TFDP2: variants seen among roughly 807,000 people sequenced by gnomAD.
TFDP2 encodes the protein transcription factor Dp-2.
TFDP2 carries 17 observed loss-of-function variants against 59.3 expected under a neutral mutation model. The observed-to-expected ratio is 0.29, with a 90% confidence interval of 0.20 to 0.43. TFDP2 has a LOEUF of 0.43. Among genes scored for constraint, TFDP2 ranks in the 20% least tolerant of loss-of-function variants. TFDP2 has a pLI of 1.00. For missense variants in TFDP2, 391 were observed against 528.8 expected, an observed-to-expected ratio of 0.74 and a Z score of 2.56; for synonymous variants, 180 against 194.7, an observed-to-expected ratio of 0.92 and a Z score of 0.63.
intron 1 of TFDP2, among the ~76,000 whole-genome samples, chr3:142,104,900 G>GC (rs1056584597): frequency 1.3e-5 from 2 of 152,136 alleles, no homozygotes; most frequent in African/African-American, 4.8e-5. Context: ...CTTGAAGTCA[G>GC]CATCTAATAA....
chr3:142,056,584 G>T (rs968926128), intron 3 of TFDP2, among the ~76,000 whole-genome samples: 5 of 152,066 alleles, frequency 3.3e-5, no homozygotes, highest in African/African-American at 1.2e-4. Context: ...GCTATATCTG[G>T]CAACCCTTGG....
chr3:142,073,120 G>C (rs1488626153), intron 3 of TFDP2, among the ~76,000 whole-genome samples: 1 of 152,210 alleles, frequency 6.6e-6, no homozygotes, highest in Non-Finnish European at 1.5e-5. Context: ...ACCCAGGCTG[G>C]AGTGCAGTGG....
chr3:141,995,515 C>A (rs1341231693), intron 4 of TFDP2, among the ~76,000 whole-genome samples: 1 of 152,202 alleles, frequency 6.6e-6, no homozygotes, highest in African/African-American at 2.4e-5. Context: ...ATCACACTTC[C>A]ACAGTCCATC....
chr3:141,976,646 T>C (rs1017048530), intron 7 of TFDP2, among the ~76,000 whole-genome samples: 1 of 152,026 alleles, frequency 6.6e-6, no homozygotes, highest in Non-Finnish European at 1.5e-5. Flanking sequence ...CATAGTGACA[T>C]GTGGCTGGAG....
At chr3:142,126,595 T>C (rs899078793) in intron 1 of TFDP2, among the ~76,000 whole-genome samples, 1 of 152,116 alleles carries the variant, frequency 6.6e-6, no homozygotes, top group African/African-American at 2.4e-5. Context: ...TAAAATGTAC[T>C]ATAAGGTTCT....
At position 141,948,807 on chromosome 3, in the gene TFDP2, A is replaced by G. The variant is rs1057465562; in HGVS notation, c.*3706T>C. 6.6e-6 allele frequency: 1 copy of G among 151,660 alleles called. No individual in the cohort carries two copies. The highest frequency in any genetic ancestry group is 2.4e-5 in the African/African-American group (1 of 41,218). The allele number at this position is 151,660 out of a possible 1,614,324, so 9.4% of individuals were successfully genotyped here. On this transcript the variant is annotated 3_prime_UTR_variant, in exon 13 of 13. Coordinates refer to ENST00000489671, the MANE Select transcript of TFDP2 (RefSeq NM_001178139.2). Reference sequence around the variant, plus strand: ...GGCTAAACTGAACCACTCCTCTGTGAAATATTTCCATTTGAGGCCGGGTGC... The same window carrying G: ...GGCTAAACTGAACCACTCCTCTGTGGAATATTTCCATTTGAGGCCGGGTGC...
intron 1 of TFDP2, among the ~76,000 whole-genome samples, chr3:142,143,374 C>T (rs1362083604): frequency 1.3e-5 from 2 of 152,192 alleles, no homozygotes; most frequent in Admixed American, 6.5e-5. Flanking sequence ...CCCACAAGCA[C>T]AGGCAACCAA....
At chr3:141,968,487 CTCATATATAG>C (rs1938671655) in intron 9 of TFDP2, among the ~76,000 whole-genome samples, 1 of 103,302 alleles carries the variant, frequency 9.7e-6, no homozygotes, top group African/African-American at 4.2e-5. Context: ...ATATATATAT[CTCATATATAG>C]ATATATATAA....
At chr3:142,064,324 C>T (rs1158272114) in intron 3 of TFDP2, among the ~76,000 whole-genome samples, 2 of 152,134 alleles carry the variant, frequency 1.3e-5, no homozygotes, top group African/African-American at 2.4e-5. Flanking sequence ...TCAGGTCCCA[C>T]CCCAGACCTA....
chr3:142,037,452 CTGAG>C (rs1002641689), intron 3 of TFDP2, among the ~76,000 whole-genome samples: 1 of 152,160 alleles, frequency 6.6e-6, no homozygotes, highest in Non-Finnish European at 1.5e-5. Context: ...GAAGACCTCT[CTGAG>C]TATTATTTAA....
intron 1 of TFDP2, among the ~76,000 whole-genome samples, chr3:142,116,230 A>AT (rs1254038671): frequency 6.6e-6 from 1 of 152,046 alleles, no homozygotes; most frequent in Non-Finnish European, 1.5e-5. Flanking sequence ...CACTGGGCTA[A>AT]TTTTTAAAAT....
At chr3:142,068,214 T>C (rs1377463164) in intron 3 of TFDP2, among the ~76,000 whole-genome samples, 1 of 152,132 alleles carries the variant, frequency 6.6e-6, no homozygotes, top group Non-Finnish European at 1.5e-5. Flanking sequence ...CCAAATGAAC[T>C]GGATATCTAC....
intron 3 of TFDP2, among the ~76,000 whole-genome samples, chr3:142,047,622 T>C (rs1242132110): frequency 1.3e-5 from 2 of 152,148 alleles, no homozygotes; most frequent in African/African-American, 2.4e-5. Flanking sequence ...TCTCCACTTA[T>C]ATTAGTTTTG....
intron 6 of TFDP2, chr3:141,989,622 G>T (rs12493643): frequency 0.074 from 11,321 of 152,206 alleles, 523 homozygotes; most frequent in Non-Finnish European, 0.11. Context: ...GCTGCTAAAA[G>T]TCTTTATTCA....
At chr3:142,104,413 A>C (rs1177148517) in intron 1 of TFDP2, among the ~76,000 whole-genome samples, 2 of 152,172 alleles carry the variant, frequency 1.3e-5, no homozygotes, top group Non-Finnish European at 2.9e-5. Flanking sequence ...ATCTATACAG[A>C]ATTCTGTATC....
chr3:142,112,683 A>G (rs1476619860), intron 1 of TFDP2, among the ~76,000 whole-genome samples: 2 of 152,160 alleles, frequency 1.3e-5, no homozygotes, highest in Non-Finnish European at 2.9e-5. Flanking sequence ...ACTCCCTGGC[A>G]AATTGATTTT....
intron 3 of TFDP2, among the ~76,000 whole-genome samples, chr3:142,072,128 G>T (rs1464145566): frequency 6.6e-6 from 1 of 152,148 alleles, no homozygotes; most frequent in Non-Finnish European, 1.5e-5. Flanking sequence ...AAAAAGGAAG[G>T]TGAAAATATT....
intron 1 of TFDP2, among the ~76,000 whole-genome samples, chr3:142,136,984 A>G (rs62284582): frequency 0.43 from 66,049 of 151,884 alleles, 15,083 homozygotes; most frequent in African/African-American, 0.54. Flanking sequence ...TGGGCAATAT[A>G]ACCATTTTCA....
chr3:142,061,769 GA>G (rs1401095758), intron 3 of TFDP2, among the ~76,000 whole-genome samples: 1 of 151,886 alleles, frequency 6.6e-6, no homozygotes, highest in African/African-American at 2.4e-5. Flanking sequence ...GACTCAGACT[GA>G]ATGACATCAC....
Sources: allele counts gnomAD v4.1 joint callset (sites outside exome capture counted in the v4.1 genomes callset), GRCh38; gene constraint gnomAD v4.1.1; transcripts MANE v1.5; gene names NCBI Gene and HGNC (gene_info 2026-07-23, HGNC 2026-07-21).